MYO9A: variants seen among roughly 807,000 people sequenced by gnomAD.
MYO9A encodes the protein myosin IXA.
A neutral mutation model predicts 293.3 loss-of-function variants in MYO9A; 103 were observed. The observed-to-expected ratio is 0.35, with a 90% CI of 0.30 to 0.41. The LOEUF (loss-of-function observed/expected upper bound fraction) is 0.41, where lower values mean the gene tolerates loss of function less well. Among genes scored for constraint, MYO9A ranks in the 10% least tolerant of loss-of-function variants. The pLI is 1.00. For synonymous variants in MYO9A, 1,001 were observed against 1,035.7 expected (o/e 0.97, Z 0.64); for missense variants, 2,685 against 3,033.0 (o/e 0.89, Z 2.69).
At chr15:72,108,745 C>G (rs1372124431) in intron 1 of MYO9A, among the ~76,000 whole-genome samples, 1 of 145,452 alleles carries the variant, frequency 6.9e-6, no homozygotes, top group African/African-American at 2.5e-5. Flanking sequence ...TTGCAGTAAA[C>G]TTGTCATGAC....
At chr15:71,941,095 T>A (rs1183071745) in intron 15 of MYO9A, among the ~76,000 whole-genome samples, 1 of 152,082 alleles carries the variant, frequency 6.6e-6, no homozygotes, top group East Asian at 1.9e-4. Flanking sequence ...ATCACTCAGA[T>A]TAAAAAATGA....
intron 21 of MYO9A, among the ~76,000 whole-genome samples, chr15:71,903,365 A>G (rs1297239400): frequency 2.0e-5 from 3 of 152,214 alleles, no homozygotes; most frequent in Admixed American, 2.0e-4. Context: ...CAAGACCCTA[A>G]AATTTCTATC....
At chr15:72,042,683 A>G (rs1381260792) in intron 2 of MYO9A, among the ~76,000 whole-genome samples, 12 of 151,826 alleles carry the variant, frequency 7.9e-5, no homozygotes, top group Admixed American at 5.2e-4. Context: ...AAAAAAAAAG[A>G]CATCCAAACT....
At chr15:72,041,605 T>G in intron 2 of MYO9A, 1 of 265,264 alleles carries the variant, frequency 3.8e-6, no homozygotes, top group Admixed American at 4.1e-5. Context: ...ATAGGGTGAG[T>G]GCTGGAAGCC....
intron 13 of MYO9A, among the ~76,000 whole-genome samples, chr15:71,967,073 G>A (rs2075896564): frequency 1.3e-5 from 2 of 151,970 alleles, no homozygotes; most frequent in Non-Finnish European, 2.9e-5. Flanking sequence ...ATTTATTTCA[G>A]GTCATCTCTC....
intron 32 of MYO9A, 77 bp from the exon 33 acceptor site, chr15:71,862,688 A>T: frequency 1.1e-6 from 1 of 908,700 alleles, no homozygotes. Context: ...AAATCCTTCA[A>T]TCTCTTGTTA....
chr15:71,846,416 C>T (rs951668261), intron 39 of MYO9A, among the ~76,000 whole-genome samples: 1 of 152,094 alleles, frequency 6.6e-6, no homozygotes, highest in Non-Finnish European at 1.5e-5. Flanking sequence ...ACCCACCTAC[C>T]CTCCAAAGTT....
intron 25 of MYO9A, among the ~76,000 whole-genome samples, chr15:71,896,233 G>C (rs899848590): frequency 2.6e-5 from 4 of 151,958 alleles, no homozygotes; most frequent in African/African-American, 9.7e-5. Context: ...AATTTTAAAG[G>C]GTGGAACATT....
In MYO9A at chr15:72,085,533, G is replaced by A. The variant is rs200802514; in HGVS notation, c.-72+32147C>T. 2.0e-5 allele frequency among the ~76,000 whole-genome samples: 3 copies of A among 152,026 alleles called. No homozygotes were observed. In the East Asian group the frequency reaches 5.8e-4, roughly 29 times the overall value. On this transcript the variant is annotated intron_variant, in intron 1 of 41. Coordinates refer to ENST00000356056, the MANE Select transcript of MYO9A (RefSeq NM_006901.4). ...CTGTCAGCTCCTGTATTATTTTATT[G>A]TGATTCTTAGCTTCCTTGGATTGGG... is the stretch of plus-strand genomic sequence containing the variant.
At chr15:71,933,920 T>C (rs944365012) in intron 17 of MYO9A, among the ~76,000 whole-genome samples, 4 of 152,112 alleles carry the variant, frequency 2.6e-5, no homozygotes, top group Middle Eastern at 3.2e-3. Flanking sequence ...ATACCTGCCT[T>C]GTTATATAAG....
chr15:71,917,370 A>C (rs1225133726), intron 18 of MYO9A, among the ~76,000 whole-genome samples: 1 of 152,090 alleles, frequency 6.6e-6, no homozygotes, highest in Non-Finnish European at 1.5e-5. Context: ...CCCCGTCTCC[A>C]CTAAAAATAC....
rs764265603 is a variant in MYO9A, at chr15:71,827,972, T to G, written c.7095A>C (p.Glu2365Asp). Reference sequence around the variant, plus strand: ...CAATGGAGGCCTCAGACTCAAGGGTTTCATCATCAGAGGCACGGGGTTCCA... The same window carrying G: ...CAATGGAGGCCTCAGACTCAAGGGTGTCATCATCAGAGGCACGGGGTTCCA... ...LVLEPRASDD[E>D]TLESEASIGT... The change falls in exon 41 of 42, where the codon GAA (glutamate) becomes GAC (aspartate). Residue 2365 changes from glutamate (E) to aspartate (D), a missense_variant. Coordinates refer to ENST00000356056, the MANE Select transcript of MYO9A (RefSeq NM_006901.4). The G allele has an allele frequency of 1.2e-6, 2 of 1,613,836 alleles. No individual in the cohort carries two copies. The highest frequency in any genetic ancestry group is 2.2e-5 in the South Asian group (2 of 91,036).
intron 19 of MYO9A, among the ~76,000 whole-genome samples, chr15:71,912,186 T>C (rs899103575): frequency 6.6e-6 from 1 of 152,168 alleles, no homozygotes; most frequent in Admixed American, 6.5e-5. Flanking sequence ...ACTTTTATTA[T>C]ATATTTTATT....
At chr15:71,927,170 G>A (rs2058334964) in intron 18 of MYO9A, among the ~76,000 whole-genome samples, 1 of 152,136 alleles carries the variant, frequency 6.6e-6, no homozygotes, top group African/African-American at 2.4e-5. Flanking sequence ...CATTTCTTTG[G>A]CAAAATGTCT....
intron 34 of MYO9A, among the ~76,000 whole-genome samples, chr15:71,857,243 A>G (rs1026179517): frequency 9.2e-5 from 14 of 152,286 alleles, no homozygotes; most frequent in African/African-American, 3.1e-4. Flanking sequence ...TGAAGAGACA[A>G]ATTAATCTTA....
chr15:72,101,434 CCAGG>C (rs1299159258), intron 1 of MYO9A, among the ~76,000 whole-genome samples: 17 of 135,132 alleles, frequency 1.3e-4, no homozygotes, highest in African/African-American at 4.7e-4. Context: ...AGCCCCTCTG[CCAGG>C]CCAGCCGCCC....
intron 39 of MYO9A, among the ~76,000 whole-genome samples, chr15:71,845,160 G>C (rs1039174732): frequency 9.2e-5 from 14 of 152,268 alleles, no homozygotes; most frequent in Non-Finnish European, 1.8e-4. Context: ...GATAAGGAGA[G>C]ATCCTTTATC....
intron 6 of MYO9A, among the ~76,000 whole-genome samples, chr15:72,011,253 C>G (rs968996643): frequency 2.6e-5 from 4 of 151,924 alleles, no homozygotes; most frequent in Non-Finnish European, 4.4e-5. Context: ...CTCAAGCAGT[C>G]CACCCACCTA....
Position 71,851,301 on chromosome 15 carries a change from G to T in MYO9A, c.6533C>A (p.Ser2178Tyr). Residue 2178 changes from serine (S) to tyrosine (Y), a missense_variant, in exon 37 of 42, where the codon TCC becomes TAC. Physicochemically the swap from Ser to Tyr is moderately radical, Grantham distance 144 (BLOSUM62 -2). Around this residue, in one of 10 missense-constraint regions of MYO9A, gnomAD observed 238 missense variants for 269.1 expected, o/e 0.88. Transcript: ENST00000356056. ...RGVYSVIDQL[S>Y]RTHLNTLERL... The stretch of plus-strand genomic sequence containing the variant: ...TTCCAGTGTATTGAGATGAGTTCGG[G>T]AGAGTTGATCAATCACAGAGTATAC... The T allele has an allele frequency of 6.2e-7, 1 of 1,614,030 alleles. No individual in the cohort carries two copies. Among genetic ancestry groups the T allele is most frequent in the Non-Finnish European group, 8.5e-7 (1 of 1,179,952 alleles).
Sources: allele counts gnomAD v4.1 joint callset (sites outside exome capture counted in the v4.1 genomes callset), GRCh38; gene constraint gnomAD v4.1.1; regional missense constraint gnomAD v4.1.1; transcripts MANE v1.5; gene names NCBI Gene and HGNC (gene_info 2026-07-23, HGNC 2026-07-21).